Variants in WDFY1 observed in about 807,000 individuals in gnomAD.
WDFY1 encodes WD repeat and FYVE domain-containing protein 1.
Under a neutral mutation model 56.4 loss-of-function variants are expected in WDFY1, and 32 were observed. The observed-to-expected ratio is 0.57, with a 90% CI of 0.43 to 0.76. The LOEUF (loss-of-function observed/expected upper bound fraction) is 0.76, where lower values mean the gene tolerates loss of function less well. WDFY1 is among the 30% of genes least tolerant of loss of function. The probability of loss-of-function intolerance (pLI) is 0.00; values close to 1 mark genes in which losing one functional copy is unlikely to be tolerated. For missense variants in WDFY1, 480 were observed against 545.7 expected (o/e 0.88, Z 1.20); for synonymous variants, 192 against 197.3 (o/e 0.97, Z 0.23).
chr2:223,911,922 T>A (rs537785207), intron 3 of WDFY1, among the ~76,000 whole-genome samples: 1 of 151,848 alleles, frequency 6.6e-6, no homozygotes, highest in Admixed American at 6.6e-5. Context: ...GCTCAAGCCA[T>A]CCTCCCACCT....
intron 6 of WDFY1, among the ~76,000 whole-genome samples, chr2:223,896,915 G>C (rs554630416): frequency 4.6e-5 from 7 of 152,270 alleles, no homozygotes; most frequent in Admixed American, 4.6e-4. Context: ...GTAGTTACTA[G>C]AACCCATTCT....
At chr2:223,936,938 A>C (rs1488457994) in intron 1 of WDFY1, among the ~76,000 whole-genome samples, 1 of 152,218 alleles carries the variant, frequency 6.6e-6, no homozygotes, top group Admixed American at 6.5e-5. Context: ...GACTCTTGGA[A>C]GCCTTGTGTC....
intron 8 of WDFY1, among the ~76,000 whole-genome samples, chr2:223,888,205 C>T (rs1195351190): frequency 6.6e-6 from 1 of 152,114 alleles, no homozygotes; most frequent in Admixed American, 6.6e-5. Flanking sequence ...TCTCAGCTGC[C>T]CTAGTAGTTG....
chr2:223,886,527 C>A (rs1218795552), intron 8 of WDFY1, among the ~76,000 whole-genome samples: 1 of 151,944 alleles, frequency 6.6e-6, no homozygotes, highest in Admixed American at 6.6e-5. Flanking sequence ...GAGTTCAAGA[C>A]CAGCTTGGCC....
intron 1 of WDFY1, among the ~76,000 whole-genome samples, chr2:223,928,426 T>C (rs1694019825): frequency 6.6e-6 from 1 of 152,052 alleles, no homozygotes; most frequent in South Asian, 2.1e-4. Flanking sequence ...AGGCAGACAA[T>C]GTCCTGGGCT....
intron 1 of WDFY1, among the ~76,000 whole-genome samples, chr2:223,942,523 CTAACTT>C (rs1442925438): frequency 1.2e-4 from 7 of 60,840 alleles, no homozygotes; most frequent in Non-Finnish European, 1.8e-4. Context: ...TGGCCAAAGG[CTAACTT>C]TTTTTTTTTT....
chr2:223,910,620 T>C (rs568923104), intron 3 of WDFY1, among the ~76,000 whole-genome samples: 3 of 152,130 alleles, frequency 2.0e-5, no homozygotes, highest in Admixed American at 6.5e-5. Flanking sequence ...CCAAAGAAGA[T>C]ATAAATGACC....
intron 7 of WDFY1, 178 bp from the exon 8 acceptor site, chr2:223,894,517 A>C (rs1468015908): frequency 2.7e-5 from 16 of 601,042 alleles, no homozygotes; most frequent in Non-Finnish European, 4.8e-5. Context: ...ATAACTCATA[A>C]TACAGAATGA....
At chr2:223,892,572 A>G (rs531174459) in intron 8 of WDFY1, among the ~76,000 whole-genome samples, 5 of 152,296 alleles carry the variant, frequency 3.3e-5, no homozygotes, top group African/African-American at 1.2e-4. Flanking sequence ...GAGTAATGTC[A>G]CCATTTAAAA....
chr2:223,891,360 G>A (rs1693273013), intron 8 of WDFY1, among the ~76,000 whole-genome samples: 1 of 82,758 alleles, frequency 1.2e-5, no homozygotes, highest in African/African-American at 4.8e-5. Flanking sequence ...TCCAGCCTGA[G>A]TGACAGAGCT....
chr2:223,930,628 C>G (rs1694058427), intron 1 of WDFY1, among the ~76,000 whole-genome samples: 1 of 152,216 alleles, frequency 6.6e-6, no homozygotes, highest in African/African-American at 2.4e-5. Context: ...TTCTCTGAGC[C>G]TTGAATATGG....
At chr2:223,895,727 C>A in intron 6 of WDFY1, 97 bp from the exon 7 acceptor site, 3 of 1,510,214 alleles carry the variant, frequency 2.0e-6, no homozygotes, top group Non-Finnish European at 2.7e-6. Flanking sequence ...GAAGACCAAA[C>A]TAGGAGCAGC....
chr2:223,900,638 C>CA (rs1693491328), intron 5 of WDFY1, among the ~76,000 whole-genome samples: 2 of 151,414 alleles, frequency 1.3e-5, no homozygotes, highest in Admixed American at 6.6e-5. Context: ...CCTCTCCACA[C>CA]AAAAAAAAGC....
intron 1 of WDFY1, among the ~76,000 whole-genome samples, chr2:223,918,630 C>CAA (rs34949257): frequency 7.3e-6 from 1 of 137,758 alleles, no homozygotes; most frequent in East Asian, 2.2e-4. Context: ...GACTCTGTCT[C>CAA]AAAAAAAAAA....
chr2:223,933,538 T>C (rs2106102065), intron 1 of WDFY1, among the ~76,000 whole-genome samples: 1 of 152,234 alleles, frequency 6.6e-6, no homozygotes, highest in African/African-American at 2.4e-5. Flanking sequence ...TTACAAAGTC[T>C]GGCCAGGCAC....
intron 9 of WDFY1, among the ~76,000 whole-genome samples, chr2:223,884,209 T>G (rs1356325851): frequency 6.6e-6 from 1 of 152,198 alleles, no homozygotes; most frequent in African/African-American, 2.4e-5. Context: ...AGGGAACAAT[T>G]TAAAATAATC....
chr2:223,915,042 T>C (rs1262175907), intron 2 of WDFY1, among the ~76,000 whole-genome samples: 1 of 152,252 alleles, frequency 6.6e-6, no homozygotes, highest in South Asian at 2.1e-4. Flanking sequence ...AGAACTAACA[T>C]GGCATCCTTC....
At chr2:223,944,713 C>A (rs1253455167) in intron 1 of WDFY1, among the ~76,000 whole-genome samples, 6 of 139,210 alleles carry the variant, frequency 4.3e-5, no homozygotes, top group Non-Finnish European at 9.2e-5. Flanking sequence ...GACAAGGGTC[C>A]CGGACTGGAG....
rs1156982312 is a variant in WDFY1 at position 223,880,167 on chromosome 2, G to A, written c.1130C>T (p.Ala377Val). The change falls in exon 11 of 12, where the codon GCC (alanine) becomes GTC (valine). Residue 377 changes from alanine (A) to valine (V), a missense_variant. Physicochemically the swap from Ala to Val is moderately conservative, Grantham distance 64. Coordinates refer to ENST00000233055, the MANE Select transcript of WDFY1 (RefSeq NM_020830.5). ...HNISHMSMDI[A>V]RGLMVTCGTD... The stretch of plus-strand genomic sequence containing the variant: ...CCCACAGGTCACCATCAGTCCCCTG[G>A]CAATGTCCATGGACATGTGGGAAAT... 3 of 1,614,000 alleles carry A rather than the reference G, an allele frequency of 1.9e-6. No homozygotes were observed. The African/African-American group carries it at 4.0e-5, about 22-fold the overall frequency.
Sources: allele counts gnomAD v4.1 joint callset (sites outside exome capture counted in the v4.1 genomes callset), GRCh38; gene constraint gnomAD v4.1.1; transcripts MANE v1.5; gene names NCBI Gene and HGNC (gene_info 2026-07-23, HGNC 2026-07-21).